The following LRRC69 variants were observed in gnomAD, a reference collection of about 807,000 sequenced individuals.
LRRC69 encodes leucine-rich repeat-containing protein 69.
Under a neutral mutation model 37.8 loss-of-function variants are expected in LRRC69, and 42 were observed. The ratio of observed to expected loss-of-function variants is 1.11; its 90% CI spans 0.87 to 1.44. The LOEUF is 1.44. LRRC69 is among the 40% of genes most tolerant of loss of function. The pLI is 0.00. For missense variants in LRRC69, 357 were observed against 401.9 expected, an observed-to-expected ratio of 0.89 and a Z score of 0.96; for synonymous variants, 141 against 143.1, an observed-to-expected ratio of 0.99 and a Z score of 0.11.
intron 5 of LRRC69, among the ~76,000 whole-genome samples, chr8:91,146,253 C>T (rs576964710): frequency 1.3e-4 from 19 of 151,718 alleles, no homozygotes; most frequent in African/African-American, 4.3e-4. Context: ...AAAGGGGATG[C>T]CTTGCTTACC....
intron 6 of LRRC69, among the ~76,000 whole-genome samples, chr8:91,197,749 T>G (rs1020774928): frequency 2.0e-5 from 3 of 151,552 alleles, no homozygotes; most frequent in African/African-American, 4.9e-5. Context: ...TGTCTGGCAC[T>G]CCCTAGTGAG....
chr8:91,155,889 TATATATATACAAC>T (rs1808826179), intron 5 of LRRC69, among the ~76,000 whole-genome samples: 4 of 147,664 alleles, frequency 2.7e-5, no homozygotes, highest in Admixed American at 6.8e-5. Context: ...ATACACAACA[TATATATATACAAC>T]ATATATATAT....
intron 5 of LRRC69, among the ~76,000 whole-genome samples, chr8:91,144,424 C>A (rs1808581843): frequency 6.6e-6 from 1 of 152,022 alleles, no homozygotes. Flanking sequence ...AATAAACTAT[C>A]TCCCTGAAGG....
At chr8:91,174,824 A>C (rs964628685) in intron 5 of LRRC69, among the ~76,000 whole-genome samples, 1 of 152,182 alleles carries the variant, frequency 6.6e-6, no homozygotes, top group Non-Finnish European at 1.5e-5. Context: ...GTATGGTTGA[A>C]AGAACATCAC....
At chr8:91,148,401 A>G (rs1306861886) in intron 5 of LRRC69, among the ~76,000 whole-genome samples, 1 of 151,836 alleles carries the variant, frequency 6.6e-6, no homozygotes, top group African/African-American at 2.4e-5. Flanking sequence ...GTCCCTACAA[A>G]GGACATGAAC....
chr8:91,171,857 T>A (rs1187251179), intron 5 of LRRC69, among the ~76,000 whole-genome samples: 1 of 151,852 alleles, frequency 6.6e-6, no homozygotes, highest in East Asian at 1.9e-4. Flanking sequence ...ACCAAGGAGG[T>A]GTGAACAACA....
chr8:91,150,823 T>C, intron 5 of LRRC69, among the ~76,000 whole-genome samples: 1 of 152,114 alleles, frequency 6.6e-6, no homozygotes, highest in South Asian at 2.1e-4. Flanking sequence ...GGAGAGTGTA[T>C]GTGTCGAGGA....
At chr8:91,218,326 A>C (rs1810092632) in intron 7 of LRRC69, among the ~76,000 whole-genome samples, 1 of 101,492 alleles carries the variant, frequency 9.9e-6, no homozygotes, top group African/African-American at 4.3e-5. Context: ...TAAATTGGCT[A>C]ACAGGATTTT....
chr8:91,103,881 A>G (rs946019882), intron 1 of LRRC69, among the ~76,000 whole-genome samples: 9 of 151,912 alleles, frequency 5.9e-5, no homozygotes, highest in Admixed American at 3.3e-4. Context: ...TCATGAACCT[A>G]TTCTCTCCCT....
chr8:91,160,828 T>TA (rs1012425262), intron 5 of LRRC69, among the ~76,000 whole-genome samples: 6 of 151,234 alleles, frequency 4.0e-5, no homozygotes, highest in African/African-American at 1.5e-4. Context: ...ATAAGAGTGG[T>TA]AAAAAATAGG....
exon 4 of LRRC69, chr8:91,133,225 T>C (rs1322127284): frequency 3.9e-6 from 6 of 1,541,838 alleles, no homozygotes; most frequent in Middle Eastern, 3.4e-4. Flanking sequence ...TCAGCTGATA[T>C]GCATACCTGA....
chr8:91,154,270 C>G (rs902144221), intron 5 of LRRC69, among the ~76,000 whole-genome samples: 2 of 151,660 alleles, frequency 1.3e-5, no homozygotes, highest in Non-Finnish European at 2.9e-5. Flanking sequence ...CAGATGGATT[C>G]ACAGCTGAAT....
intron 5 of LRRC69, among the ~76,000 whole-genome samples, chr8:91,141,730 T>G (rs866792837): frequency 5.3e-5 from 8 of 152,052 alleles, no homozygotes; most frequent in African/African-American, 1.9e-4. Context: ...TTTAATGATG[T>G]ACAGAAATTT....
chr8:91,121,785 A>G (rs1262928709), intron 1 of LRRC69, among the ~76,000 whole-genome samples: 1 of 152,130 alleles, frequency 6.6e-6, no homozygotes, highest in Non-Finnish European at 1.5e-5. Flanking sequence ...GAGTGAATAA[A>G]TGAATGGTGA....
intron 7 of LRRC69, among the ~76,000 whole-genome samples, chr8:91,206,268 A>T (rs1234054150): frequency 7.2e-5 from 11 of 152,336 alleles, no homozygotes; most frequent in African/African-American, 2.6e-4. Context: ...TAAAATTTTT[A>T]AAAGCCCAGA....
chr8:91,116,671 A>G (rs1813516238), intron 1 of LRRC69, among the ~76,000 whole-genome samples: 1 of 151,924 alleles, frequency 6.6e-6, no homozygotes, highest in African/African-American at 2.4e-5. Flanking sequence ...CGTAGAATGA[A>G]CCTAGGTCAT....
chr8:91,203,220 G>T (rs1256925917), intron 7 of LRRC69, among the ~76,000 whole-genome samples: 1 of 151,788 alleles, frequency 6.6e-6, no homozygotes, highest in Non-Finnish European at 1.5e-5. Context: ...TGTGTGTGTG[G>T]GTGGGTGGGA....
chr8:91,125,282 T>G (rs1813698340), intron 2 of LRRC69, among the ~76,000 whole-genome samples: 1 of 151,826 alleles, frequency 6.6e-6, no homozygotes, highest in Non-Finnish European at 1.5e-5. Flanking sequence ...ATTATAAAAT[T>G]TATAAATTTC....
intron 5 of LRRC69, among the ~76,000 whole-genome samples, chr8:91,176,096 G>T (rs1809219030): frequency 7.2e-6 from 1 of 137,956 alleles, no homozygotes. Context: ...TTTGGCTTAT[G>T]GTTTCAGGCA....
Sources: allele counts gnomAD v4.1 joint callset (sites outside exome capture counted in the v4.1 genomes callset), GRCh38; gene constraint gnomAD v4.1.1; transcripts MANE v1.5; gene names NCBI Gene and HGNC (gene_info 2026-07-23, HGNC 2026-07-21).